CD8A: variants seen among roughly 807,000 people sequenced by gnomAD.
CD8A encodes T-cell surface glycoprotein CD8 alpha chain.
CD8A carries 25 observed loss-of-function variants against 24.2 expected under a neutral mutation model. That is an observed-to-expected ratio of 1.03 (90% CI 0.75 to 1.44). The LOEUF is 1.44. Ranked by LOEUF, CD8A falls within the 40% of genes most tolerant of loss-of-function variation. The pLI is 0.00. For missense variants in CD8A, 360 were observed against 319.7 expected, an observed-to-expected ratio of 1.13 and a Z score of -0.96; for synonymous variants, 165 against 149.9, an observed-to-expected ratio of 1.10 and a Z score of -0.74.
upstream of CD8A, among the ~76,000 whole-genome samples, chr2:86,795,539 T>C (rs540502165): frequency 2.0e-5 from 3 of 152,286 alleles, no homozygotes; most frequent in East Asian, 5.8e-4. Context: ...TGCAGGACAA[T>C]GGCTGGAATC....
chr2:86,808,109 A>T (rs1673985598), intron 1 of CD8A: 1 of 152,180 alleles, frequency 6.6e-6, no homozygotes, highest in South Asian at 2.1e-4. Flanking sequence ...CACCTTTCCC[A>T]TGAATTCACC....
At position 86,785,327 on chromosome 2, in the gene CD8A, G is replaced by C; in HGVS notation, c.*593C>G. The C allele has an allele frequency of 2.2e-6, 1 of 454,086 alleles. No homozygotes were observed. The highest frequency in any genetic ancestry group is 1.6e-5 in the South Asian group (1 of 64,478). 28.1% of individuals were successfully genotyped at this position (454,086 alleles called of 1,614,324 possible). ...ACATTATAGAACTCTGCCAAAGGCA[G>C]TTCTCTTCTTTAATTCATTACCTCC... On this transcript the variant is annotated 3_prime_UTR_variant, in exon 6 of 6. Coordinates refer to ENST00000283635, the MANE Select transcript of CD8A (RefSeq NM_001768.7).
At chr2:86,789,901 T>C (rs933733125) in intron 2 of CD8A, 151 bp from the exon 3 acceptor site, 3 of 556,394 alleles carry the variant, frequency 5.4e-6, no homozygotes, top group Non-Finnish European at 9.1e-6. Context: ...GACCCCGGGA[T>C]GCGCGCGGAC....
chr2:86,795,980 G>T (rs35290870), intron 3 of CD8A, among the ~76,000 whole-genome samples: 12 of 152,114 alleles, frequency 7.9e-5, no homozygotes, highest in Admixed American at 2.6e-4. Context: ...TGAACAATTT[G>T]AAAAATGTTT....
intron 4 of CD8A, 51 bp from the exon 5 acceptor site, chr2:86,788,611 TC>T (rs1304962185): frequency 6.6e-7 from 1 of 1,522,680 alleles, no homozygotes; most frequent in African/African-American, 1.4e-5. Flanking sequence ...CCATCAATAG[TC>T]CCCAAAGACA....
upstream of CD8A, chr2:86,790,980 C>G: frequency 3.8e-6 from 3 of 792,412 alleles, no homozygotes; most frequent in Non-Finnish European, 6.4e-6. Flanking sequence ...GAAGCCCCCG[C>G]CGAGGAGAGT....
upstream of CD8A, chr2:86,791,235 CCCTT>C (rs1673296988): frequency 2.5e-6 from 1 of 396,850 alleles, no homozygotes; most frequent in Non-Finnish European, 4.8e-6. Flanking sequence ...AGGGGAGTGT[CCCTT>C]CCTTTGCCTT....
chr2:86,785,864 G>T lies in CD8A; in HGVS notation c.*56C>A. 1 of 1,233,440 alleles carries T rather than the reference G, an allele frequency of 8.1e-7. No homozygotes were observed. The highest frequency in any genetic ancestry group is 1.2e-6 in the Non-Finnish European group (1 of 831,954). 76.4% of individuals were successfully genotyped at this position (1,233,440 alleles called of 1,614,324 possible). A position where few individuals can be genotyped will look rare whatever the true frequency, so the allele number is the denominator to read the frequency against. ...TGGAAAAAATGAAAGGGAAGGACTTGCTCCCTCAAAAGGAAGGATCTCAGT... is the reference window on the plus strand; with the variant it reads ...TGGAAAAAATGAAAGGGAAGGACTTTCTCCCTCAAAAGGAAGGATCTCAGT... On this transcript the variant is annotated 3_prime_UTR_variant, in exon 6 of 6. Coordinates refer to ENST00000283635, the MANE Select transcript of CD8A (RefSeq NM_001768.7).
chr2:86,792,346 G>C (rs1299262182), upstream of CD8A, among the ~76,000 whole-genome samples: 2 of 152,176 alleles, frequency 1.3e-5, no homozygotes, highest in Non-Finnish European at 2.9e-5. Flanking sequence ...CCACCCATTA[G>C]TTCTGCTGGG....
intron 2 of CD8A, among the ~76,000 whole-genome samples, chr2:86,806,796 G>A (rs1673918927): frequency 6.6e-6 from 1 of 152,194 alleles, no homozygotes; most frequent in East Asian, 1.9e-4. Context: ...CAAAACATGG[G>A]AGTGAAAAGC....
At chr2:86,798,495 C>T (rs1210504022) in intron 3 of CD8A, among the ~76,000 whole-genome samples, 1 of 150,924 alleles carries the variant, frequency 6.6e-6, no homozygotes, top group African/African-American at 2.4e-5. Context: ...CTTTCTTATG[C>T]TTCCCGTTTG....
chr2:86,802,194 T>C (rs1271641705), intron 2 of CD8A, among the ~76,000 whole-genome samples: 1 of 152,058 alleles, frequency 6.6e-6, no homozygotes, highest in South Asian at 2.1e-4. Context: ...CCCGCCATCA[T>C]GTCTGGCTAA....
At chr2:86,803,409 G>T (rs1038786416) in intron 2 of CD8A, among the ~76,000 whole-genome samples, 4 of 152,132 alleles carry the variant, frequency 2.6e-5, no homozygotes, top group African/African-American at 9.7e-5. Flanking sequence ...TTGTGGTACG[G>T]ATATATACAA....
intron 2 of CD8A, among the ~76,000 whole-genome samples, chr2:86,806,473 TTC>T (rs1229908114): frequency 6.6e-6 from 1 of 152,260 alleles, no homozygotes; most frequent in Non-Finnish European, 1.5e-5. Flanking sequence ...CAACTCCTCT[TTC>T]TCTTTTTGTG....
intron 3 of CD8A, among the ~76,000 whole-genome samples, chr2:86,799,033 G>C (rs1400766004): frequency 6.6e-6 from 1 of 152,172 alleles, no homozygotes; most frequent in Non-Finnish European, 1.5e-5. Context: ...ATGCTGTGTG[G>C]TGTATTATCC....
At position 86,785,854 on chromosome 2, in the gene CD8A, G is replaced by C. The variant is rs763256766; in HGVS notation, c.*66C>G. 21 of 1,142,868 alleles carry C rather than the reference G, an allele frequency of 1.8e-5. No homozygotes were observed. The African/African-American group carries it at 3.0e-4, about 17-fold the overall frequency. The allele number at this position is 1,142,868 out of a possible 1,614,324, so 70.8% of individuals were successfully genotyped here. ...GGAGGAAGACTGGAAAAAATGAAAGGGAAGGACTTGCTCCCTCAAAAGGAA... is the reference window on the plus strand; with the variant it reads ...GGAGGAAGACTGGAAAAAATGAAAGCGAAGGACTTGCTCCCTCAAAAGGAA... On this transcript the variant is annotated 3_prime_UTR_variant, in exon 6 of 6. Transcript: ENST00000283635.
At chr2:86,807,156 T>A (rs1013414513) in intron 2 of CD8A, among the ~76,000 whole-genome samples, 121 of 150,012 alleles carry the variant, frequency 8.1e-4, no homozygotes, top group African/African-American at 2.8e-3. Context: ...AAAAATAAAA[T>A]AAAATAAAAT....
chr2:86,788,521 G>T lies in CD8A; in HGVS notation c.656+9C>A. 1 of 1,611,832 alleles carries T rather than the reference G, an allele frequency of 6.2e-7. No individual in the cohort carries two copies. On this transcript the variant is annotated intron_variant, in intron 5 of 5. Transcript: ENST00000283635. Reference sequence around the variant, plus strand: ...CAAGGTGAGCAGGCTGAGTTCAAAAGAGACTCACCGGGGACATTTGCAAAC... The same window carrying T: ...CAAGGTGAGCAGGCTGAGTTCAAAATAGACTCACCGGGGACATTTGCAAAC...
upstream of CD8A, among the ~76,000 whole-genome samples, chr2:86,793,175 G>T (rs1034823401): frequency 1.3e-5 from 2 of 152,214 alleles, no homozygotes; most frequent in Non-Finnish European, 2.9e-5. Context: ...AGCAGATGAA[G>T]ATCCACCCCA....
Sources: gnomAD v4.1 joint callset for allele counts (sites outside exome capture counted in the v4.1 genomes callset) on GRCh38, gnomAD v4.1.1 for gene constraint, MANE v1.5 for transcripts, NCBI Gene and HGNC (gene_info 2026-07-23, HGNC 2026-07-21) for gene names.